The following KLHL32 variants were observed in gnomAD, a reference collection of about 807,000 sequenced individuals.
KLHL32 encodes the protein kelch-like protein 32.
Under a neutral mutation model 64.8 loss-of-function variants are expected in KLHL32, and 35 were observed. That is an observed-to-expected ratio of 0.54 (90% CI 0.41 to 0.72). The LOEUF is 0.72. Among genes scored for constraint, KLHL32 ranks in the 30% least tolerant of loss-of-function variants. The probability of loss-of-function intolerance (pLI) is 0.00; values close to 1 mark genes in which losing one functional copy is unlikely to be tolerated. For synonymous variants in KLHL32, 259 were observed against 281.0 expected (o/e 0.92, Z 0.78); for missense variants, 589 against 768.5 (o/e 0.77, Z 2.76).
intron 2 of KLHL32, among the ~76,000 whole-genome samples, chr6:96,968,293 A>G (rs545692272): frequency 1.2e-4 from 19 of 152,254 alleles, no homozygotes; most frequent in African/African-American, 4.3e-4. Flanking sequence ...TACATTTGGC[A>G]TCTACTGGGT....
chr6:97,090,128 A>C (rs1197731283), intron 6 of KLHL32, among the ~76,000 whole-genome samples: 1 of 152,170 alleles, frequency 6.6e-6, no homozygotes, highest in Admixed American at 6.5e-5. Flanking sequence ...TGTTTGCATT[A>C]CCTACTGCTT....
chr6:97,109,176 G>A (rs1382604028), intron 6 of KLHL32, among the ~76,000 whole-genome samples: 1 of 152,154 alleles, frequency 6.6e-6, no homozygotes, highest in African/African-American at 2.4e-5. Context: ...CGTGTAATTT[G>A]TGTACATGTT....
At chr6:96,943,341 A>T (rs1771552509) in intron 1 of KLHL32, among the ~76,000 whole-genome samples, 1 of 151,796 alleles carries the variant, frequency 6.6e-6, no homozygotes, top group African/African-American at 2.4e-5. Context: ...TTCACACAAG[A>T]CCTGTGCGGT....
chr6:97,004,257 C>G (rs1311347618), intron 3 of KLHL32, among the ~76,000 whole-genome samples: 2 of 152,034 alleles, frequency 1.3e-5, no homozygotes, highest in Non-Finnish European at 2.9e-5. Context: ...TGACTGAGTT[C>G]TTGATTTGGC....
At chr6:96,983,990 C>G (rs553599774) in intron 3 of KLHL32, among the ~76,000 whole-genome samples, 1 of 152,178 alleles carries the variant, frequency 6.6e-6, no homozygotes, top group African/African-American at 2.4e-5. Flanking sequence ...AATTTTAGAT[C>G]TCTCCTGCTT....
chr6:97,004,776 T>C (rs1258552497), intron 3 of KLHL32, among the ~76,000 whole-genome samples: 2 of 152,206 alleles, frequency 1.3e-5, no homozygotes, highest in African/African-American at 4.8e-5. Context: ...TGAGTCACAA[T>C]AATTGATTTG....
chr6:97,128,796 G>C (rs1799137637), intron 8 of KLHL32, among the ~76,000 whole-genome samples: 1 of 152,208 alleles, frequency 6.6e-6, no homozygotes, highest in South Asian at 2.1e-4. Context: ...GGCTCACCTG[G>C]CAGGCACTGC....
intron 3 of KLHL32, among the ~76,000 whole-genome samples, chr6:96,986,782 T>C (rs1489067530): frequency 6.6e-6 from 1 of 152,234 alleles, no homozygotes; most frequent in Non-Finnish European, 1.5e-5. Flanking sequence ...CCCCTTTCTT[T>C]GACTAGGAAT....
chr6:96,899,458 C>T, the KLHL32 span, among the ~76,000 whole-genome samples: 1 of 152,086 alleles, frequency 6.6e-6, no homozygotes, highest in African/African-American at 2.4e-5. Context: ...GAAATTCCAC[C>T]GAACTTCGGG....
intron 1 of KLHL32, among the ~76,000 whole-genome samples, chr6:96,947,290 G>A (rs1772032004): frequency 6.6e-6 from 1 of 152,208 alleles, no homozygotes; most frequent in South Asian, 2.1e-4. Flanking sequence ...AGCTCACGCT[G>A]CACAGCTGAG....
intron 3 of KLHL32, among the ~76,000 whole-genome samples, chr6:96,986,076 G>A (rs1288015554): frequency 6.6e-6 from 1 of 152,154 alleles, no homozygotes; most frequent in Non-Finnish European, 1.5e-5. Flanking sequence ...CTGTTTGTTA[G>A]TTTTCCTTCT....
chr6:97,031,932 T>A (rs1338419381), intron 3 of KLHL32, among the ~76,000 whole-genome samples: 9 of 147,526 alleles, frequency 6.1e-5, no homozygotes, highest in African/African-American at 2.1e-4. Flanking sequence ...ACCTGGATTA[T>A]AGCGACAGTT....
intron 10 of KLHL32, among the ~76,000 whole-genome samples, chr6:97,134,320 G>A (rs1799760638): frequency 6.6e-6 from 1 of 152,192 alleles, no homozygotes; most frequent in Middle Eastern, 3.2e-3. Flanking sequence ...GTTCACTGAA[G>A]GCTGCCTTGT....
chr6:96,972,452 A>T (rs1035833354), intron 2 of KLHL32, among the ~76,000 whole-genome samples: 4 of 152,280 alleles, frequency 2.6e-5, no homozygotes, highest in African/African-American at 7.2e-5. Flanking sequence ...CTATGGTATT[A>T]ATATAGCATA....
At chr6:96,907,044 A>G in the KLHL32 span, among the ~76,000 whole-genome samples, 3 of 152,220 alleles carry the variant, frequency 2.0e-5, no homozygotes, top group Non-Finnish European at 4.4e-5. Flanking sequence ...AGCTAGCTGC[A>G]TTTTGATAAG....
At chr6:97,016,146 C>A (rs1018982233) in intron 3 of KLHL32, among the ~76,000 whole-genome samples, 21 of 152,238 alleles carry the variant, frequency 1.4e-4, no homozygotes, top group African/African-American at 4.6e-4. Flanking sequence ...AGCCCCCACA[C>A]AGAGTCCCCA....
intron 1 of KLHL32, among the ~76,000 whole-genome samples, chr6:96,928,372 C>T (rs1769428951): frequency 6.6e-6 from 1 of 152,126 alleles, no homozygotes; most frequent in African/African-American, 2.4e-5. Context: ...CTTACTGTAG[C>T]TGAGCGAGTG....
intron 5 of KLHL32, among the ~76,000 whole-genome samples, chr6:97,068,091 A>G (rs1410756953): frequency 1.3e-5 from 2 of 152,156 alleles, no homozygotes; most frequent in African/African-American, 2.4e-5. Flanking sequence ...AATATTGGCA[A>G]CTGAATTTTG....
At chr6:96,955,740 C>G (rs944281343) in intron 1 of KLHL32, among the ~76,000 whole-genome samples, 1 of 152,064 alleles carries the variant, frequency 6.6e-6, no homozygotes, top group Admixed American at 6.5e-5. Flanking sequence ...AGTTCGAGAC[C>G]AGCTAGGCCA....
Sources: allele counts gnomAD v4.1 joint callset (sites outside exome capture counted in the v4.1 genomes callset), GRCh38; gene constraint gnomAD v4.1.1; transcripts MANE v1.5; gene names NCBI Gene and HGNC (gene_info 2026-07-23, HGNC 2026-07-21).